Variants in ENPEP observed in about 807,000 individuals in gnomAD.
ENPEP encodes the protein glutamyl aminopeptidase.
ENPEP carries 103 observed loss-of-function variants against 114.5 expected under a neutral mutation model. The observed-to-expected ratio is 0.90, with a 90% confidence interval of 0.77 to 1.06. ENPEP has a LOEUF of 1.06. Ranked by LOEUF, ENPEP falls within the 50% of genes least tolerant of loss-of-function variation. ENPEP has a pLI of 0.00. For missense variants in ENPEP, 1,196 were observed against 1,161.3 expected (o/e 1.03, Z -0.43); for synonymous variants, 420 against 422.0 (o/e 1.00, Z 0.06).
At chr4:110,498,845 C>T (rs1001042791) in intron 3 of ENPEP, among the ~76,000 whole-genome samples, 14 of 152,330 alleles carry the variant, frequency 9.2e-5, no homozygotes, top group African/African-American at 3.1e-4. Flanking sequence ...CCTTCCCTCA[C>T]CTTCCCTGGC....
At chr4:110,517,575 T>C (rs1393483802) in intron 8 of ENPEP, among the ~76,000 whole-genome samples, 1 of 152,220 alleles carries the variant, frequency 6.6e-6, no homozygotes, top group Non-Finnish European at 1.5e-5. Flanking sequence ...ATAGCTATCC[T>C]AATAATTCCA....
At position 110,548,343 on chromosome 4, in the gene ENPEP, G is replaced by A. The variant is rs764994582; in HGVS notation, c.2151+17G>A. On this transcript the variant is annotated intron_variant, in intron 14 of 19. Coordinates refer to ENST00000265162, the MANE Select transcript of ENPEP (RefSeq NM_001977.4). ...ATGATTGAGGTGACGTTAATGCTAT[G>A]GTATCTTATGAAAGTAAATGTTTAG... 3.0e-5 allele frequency: 46 copies of A among 1,518,334 alleles called. No individual in the cohort carries two copies. Among genetic ancestry groups the A allele is most frequent in the Non-Finnish European group, 4.1e-5 (46 of 1,134,170 alleles). 94.1% of individuals were successfully genotyped at this position (1,518,334 alleles called of 1,614,324 possible).
intron 3 of ENPEP, 146 bp downstream of exon 3, chr4:110,491,310 T>C (rs890811456): frequency 9.2e-5 from 60 of 650,610 alleles, no homozygotes; most frequent in African/African-American, 1.3e-4. Flanking sequence ...TGATAATACA[T>C]AGAAAAATGT....
chr4:110,552,940 A>T (rs1351367244), intron 17 of ENPEP, among the ~76,000 whole-genome samples: 1 of 152,122 alleles, frequency 6.6e-6, no homozygotes, highest in African/African-American at 2.4e-5. Context: ...CAGTGGGATA[A>T]TGGGAAAGTG....
At chr4:110,498,097 T>A (rs1345401653) in intron 3 of ENPEP, among the ~76,000 whole-genome samples, 1 of 152,238 alleles carries the variant, frequency 6.6e-6, no homozygotes, top group African/African-American at 2.4e-5. Flanking sequence ...GTGTACATTT[T>A]TATTGAGCAT....
intron 3 of ENPEP, among the ~76,000 whole-genome samples, chr4:110,494,837 A>G (rs1174559998): frequency 1.3e-5 from 2 of 152,246 alleles, no homozygotes; most frequent in Non-Finnish European, 2.9e-5. Context: ...AATTGAAGCC[A>G]GCCACTGATG....
At chr4:110,542,397 C>A (rs963412263) in intron 11 of ENPEP, among the ~76,000 whole-genome samples, 2 of 151,968 alleles carry the variant, frequency 1.3e-5, no homozygotes, top group Non-Finnish European at 2.9e-5. Flanking sequence ...ATGGACTACC[C>A]CTGAAGGCAT....
chr4:110,511,546 G>T (rs1396495666), intron 6 of ENPEP, among the ~76,000 whole-genome samples: 2 of 152,060 alleles, frequency 1.3e-5, no homozygotes, highest in African/African-American at 4.8e-5. Flanking sequence ...GGAAAATTGT[G>T]TTGTCCTTTA....
chr4:110,533,152 A>C, intron 11 of ENPEP: 1 of 443,228 alleles, frequency 2.3e-6, no homozygotes, highest in Non-Finnish European at 4.5e-6. Flanking sequence ...TGAAAGCGTG[A>C]ATAATTCATC....
At chr4:110,517,643 G>A (rs181532312) in intron 8 of ENPEP, among the ~76,000 whole-genome samples, 59 of 151,800 alleles carry the variant, frequency 3.9e-4, no homozygotes, top group East Asian at 3.9e-4. Flanking sequence ...TTAAAAAACC[G>A]GTTTTGTCTA....
At position 110,506,759 on chromosome 4, in the gene ENPEP, T is replaced by A. The variant is rs150061979; in HGVS notation, c.1039+2T>A. 4.5e-6 allele frequency: 7 copies of A among 1,538,526 alleles called. No homozygotes were observed. In the East Asian group the frequency reaches 1.4e-4, roughly 30 times the overall value. On this transcript the variant is annotated splice_donor_variant, in intron 4 of 19. Transcript: ENST00000265162. LOFTEE classifies it high-confidence loss of function. The stretch of plus-strand genomic sequence containing the variant: ...TGAATTATTCTCTTCCTAAATTAGG[T>A]GAGGATCATTTTTTAATTTTCTTAT...
intron 13 of ENPEP, among the ~76,000 whole-genome samples, chr4:110,547,102 C>A (rs978982557): frequency 1.4e-4 from 22 of 152,080 alleles, no homozygotes; most frequent in African/African-American, 5.3e-4. Flanking sequence ...AACAAACCTT[C>A]TGCTGTAAGA....
chr4:110,521,843 A>G (rs1726001980), intron 10 of ENPEP, among the ~76,000 whole-genome samples: 1 of 152,040 alleles, frequency 6.6e-6, no homozygotes, highest in Non-Finnish European at 1.5e-5. Context: ...ACAAATATGA[A>G]CAGTCTAGCA....
rs553209625 is a variant in ENPEP at position 110,490,244 on chromosome 4, G to T, written c.787-789G>T. On this transcript the variant is annotated intron_variant, in intron 2 of 19. Coordinates refer to ENST00000265162, the MANE Select transcript of ENPEP (RefSeq NM_001977.4). ...CTAACACTACTAGGTTTTTATGGTA[G>T]AGTAATGTAGCCTGGAGCCCCACCA... Among the ~76,000 whole-genome samples, 7 of 152,244 alleles carry T rather than the reference G, an allele frequency of 4.6e-5. No homozygotes were observed. In the South Asian group the frequency reaches 1.5e-3, roughly 32 times the overall value.
At chr4:110,491,941 T>A (rs185328680) in intron 3 of ENPEP, among the ~76,000 whole-genome samples, 3 of 127,904 alleles carry the variant, frequency 2.3e-5, no homozygotes, top group Non-Finnish European at 3.7e-5. Flanking sequence ...GCCTTGTCTC[T>A]AACTCCTGAC....
intron 11 of ENPEP, among the ~76,000 whole-genome samples, chr4:110,540,934 C>G (rs1384442479): frequency 6.6e-6 from 1 of 152,142 alleles, no homozygotes; most frequent in East Asian, 1.9e-4. Flanking sequence ...GTCAAGTGAT[C>G]TGGCCAAGGT....
intron 3 of ENPEP, among the ~76,000 whole-genome samples, chr4:110,495,088 A>G (rs1560553485): frequency 6.6e-6 from 1 of 152,232 alleles, no homozygotes; most frequent in Non-Finnish European, 1.5e-5. Flanking sequence ...AGGAGTCATC[A>G]GAGAGGAAAC....
intron 8 of ENPEP, among the ~76,000 whole-genome samples, chr4:110,518,077 G>T (rs1725849309): frequency 6.6e-6 from 1 of 152,058 alleles, no homozygotes; most frequent in Non-Finnish European, 1.5e-5. Flanking sequence ...CTAAATCTGG[G>T]GCTGGCCATT....
rs59767138 is a variant in ENPEP, at chr4:110,482,445, G to T, written c.644+5387G>T. On this transcript the variant is annotated intron_variant, in intron 1 of 19. Coordinates refer to ENST00000265162, the MANE Select transcript of ENPEP (RefSeq NM_001977.4). ...TGTTGATGGCTTGTCAGACATCTAG[G>T]AAGAGATGACTAGTAGGCACTTGCA... 3.9e-3 allele frequency among the ~76,000 whole-genome samples: 600 copies of T among 152,282 alleles called. 3 individuals are homozygous for T. Among genetic ancestry groups the T allele is most frequent in the African/African-American group, 0.014 (567 of 41,558 alleles).
Sources: gnomAD v4.1 joint callset for allele counts (sites outside exome capture counted in the v4.1 genomes callset) on GRCh38, gnomAD v4.1.1 for gene constraint, MANE v1.5 for transcripts, NCBI Gene and HGNC (gene_info 2026-07-23, HGNC 2026-07-21) for gene names.